The following KIAA1549 variants were observed in gnomAD, a reference collection of about 807,000 sequenced individuals.
The protein encoded by KIAA1549 is KIAA1549.
Under a neutral mutation model 156.4 loss-of-function variants are expected in KIAA1549, and 70 were observed. That is an observed-to-expected ratio of 0.45 (90% CI 0.37 to 0.55). The LOEUF (loss-of-function observed/expected upper bound fraction) is 0.55, where lower values mean the gene tolerates loss of function less well. Ranked by LOEUF, KIAA1549 falls within the 20% of genes least tolerant of loss-of-function variation. The pLI, the probability that KIAA1549 is intolerant of heterozygous loss-of-function variation, is 0.00. For missense variants in KIAA1549, 2,428 were observed against 2,540.9 expected, an observed-to-expected ratio of 0.96 and a Z score of 0.96; for synonymous variants, 1,103 against 1,066.4, an observed-to-expected ratio of 1.03 and a Z score of -0.67.
chr7:138,925,129 C>T (rs1812676482), intron 1 of KIAA1549, among the ~76,000 whole-genome samples: 1 of 152,186 alleles, frequency 6.6e-6, no homozygotes, highest in African/African-American at 2.4e-5. Context: ...CGGGAAACTG[C>T]CCTGCGCTCC....
chr7:138,893,432 T>C (rs891842594), intron 10 of KIAA1549, among the ~76,000 whole-genome samples: 3 of 152,298 alleles, frequency 2.0e-5, no homozygotes, highest in African/African-American at 7.2e-5. Context: ...AGCTTTGCTC[T>C]TCTCTAAAGA....
intron 19 of KIAA1549, among the ~76,000 whole-genome samples, chr7:138,839,143 G>A (rs1809833702): frequency 6.6e-6 from 1 of 152,182 alleles, no homozygotes; most frequent in Admixed American, 6.5e-5. Context: ...TCTCTTTTAG[G>A]GAAGCACCTT....
At position 138,837,426 on chromosome 7, in the gene KIAA1549, A is replaced by G. The variant is rs948319895; in HGVS notation, c.*480T>C. On this transcript the variant is annotated 3_prime_UTR_variant, in exon 20 of 20. Coordinates refer to ENST00000422774, the MANE Select transcript of KIAA1549 (RefSeq NM_001164665.2). ...TCTTGTTGTTAATGTTACTATTAAAATAAGTTCCTATGGAGTAAAAGAGAA... is the reference window on the plus strand; with the variant it reads ...TCTTGTTGTTAATGTTACTATTAAAGTAAGTTCCTATGGAGTAAAAGAGAA... The G allele has an allele frequency of 1.7e-5, 4 of 238,518 alleles. No individual in the cohort carries two copies. Among genetic ancestry groups the G allele is most frequent in the African/African-American group, 6.6e-5 (3 of 45,440 alleles). The allele number at this position is 238,518 out of a possible 1,614,324, so 14.8% of individuals were successfully genotyped here. A position where few individuals can be genotyped will look rare whatever the true frequency, so the allele number is the denominator to read the frequency against.
chr7:138,882,034 A>G (rs546053524), intron 10 of KIAA1549, among the ~76,000 whole-genome samples: 28 of 152,370 alleles, frequency 1.8e-4, no homozygotes, highest in Admixed American at 1.5e-3. Flanking sequence ...GATGGGTCAG[A>G]GCATAGGAGC....
intron 1 of KIAA1549, among the ~76,000 whole-genome samples, chr7:138,946,358 C>T (rs1485132927): frequency 1.3e-5 from 2 of 152,164 alleles, no homozygotes; most frequent in African/African-American, 4.8e-5. Flanking sequence ...AGATAAGAAA[C>T]ACAGGGCATC....
chr7:138,976,826 T>C (rs1461451250), intron 1 of KIAA1549, among the ~76,000 whole-genome samples: 1 of 152,216 alleles, frequency 6.6e-6, no homozygotes, highest in Non-Finnish European at 1.5e-5. Flanking sequence ...AGCTGTCAAC[T>C]TGTTAAAATG....
intron 1 of KIAA1549, among the ~76,000 whole-genome samples, chr7:138,941,128 AAAT>A (rs1457811427): frequency 1.3e-5 from 2 of 152,332 alleles, no homozygotes; most frequent in South Asian, 2.1e-4. Context: ...CAAATTATAG[AAAT>A]AATAATAATT....
rs551568744 is a variant in KIAA1549 at position 138,838,179 on chromosome 7, G to A, written c.5599-19C>T. 21 of 1,452,552 alleles carry A rather than the reference G, an allele frequency of 1.4e-5. No individual in the cohort carries two copies. In the African/African-American group the frequency reaches 1.9e-4, roughly 13 times the overall value. The allele number at this position is 1,452,552 out of a possible 1,614,324, so 90.0% of individuals were successfully genotyped here. A position where few individuals can be genotyped will look rare whatever the true frequency, so the allele number is the denominator to read the frequency against. ...TGTGTGTCTGAAAAACATGGCAAAC[G>A]TCACTGTACTTCCTACGAAGAATAA... On this transcript the variant is annotated intron_variant, in intron 19 of 19. Coordinates refer to ENST00000422774, the MANE Select transcript of KIAA1549 (RefSeq NM_001164665.2).
chr7:138,884,814 C>A (rs1811344808), intron 10 of KIAA1549, among the ~76,000 whole-genome samples: 1 of 152,236 alleles, frequency 6.6e-6, no homozygotes, highest in African/African-American at 2.4e-5. Flanking sequence ...GACTTGTAAG[C>A]CCCTCAGTTC....
intron 16 of KIAA1549, among the ~76,000 whole-genome samples, chr7:138,854,452 C>T (rs1020515872): frequency 1.5e-4 from 23 of 151,898 alleles, no homozygotes; most frequent in African/African-American, 3.4e-4. Context: ...CTCCTACCCT[C>T]GCAAAAAAGG....
chr7:138,874,702 G>A (rs1026432494), intron 12 of KIAA1549, among the ~76,000 whole-genome samples: 1 of 152,122 alleles, frequency 6.6e-6, no homozygotes, highest in Admixed American at 6.6e-5. Context: ...CTGGTTAACA[G>A]ATACAAAAGC....
chr7:138,969,577 A>G (rs1814153702), intron 1 of KIAA1549, among the ~76,000 whole-genome samples: 1 of 151,878 alleles, frequency 6.6e-6, no homozygotes, highest in Non-Finnish European at 1.5e-5. Flanking sequence ...TATGGGTTAT[A>G]TGAGTTTTGT....
chr7:138,840,335 G>A, intron 18 of KIAA1549, 57 bp from the exon 19 acceptor site: 2 of 1,502,018 alleles, frequency 1.3e-6, no homozygotes, highest in Non-Finnish European at 1.8e-6. Context: ...TATGGCTGCT[G>A]AGGATGGCTG....
intron 15 of KIAA1549, among the ~76,000 whole-genome samples, chr7:138,867,496 A>C (rs1810781567): frequency 6.6e-6 from 1 of 151,940 alleles, no homozygotes; most frequent in African/African-American, 2.4e-5. Flanking sequence ...CTGAGGCTAC[A>C]GTGAGCCTGG....
intron 14 of KIAA1549, among the ~76,000 whole-genome samples, chr7:138,868,415 T>C (rs1810817951): frequency 2.0e-5 from 3 of 152,104 alleles, no homozygotes; most frequent in Admixed American, 2.0e-4. Flanking sequence ...GGGCTAGAAC[T>C]AGGTCTTTTT....
rs1584758445 is a variant in KIAA1549, at chr7:138,921,062, G to A, written c.188-1624C>T. ...AGGCAGGTACTGGACCAGCTGGCCT[G>A]TTGTTTAGGCCACAACGGAGATGAG... is the stretch of plus-strand genomic sequence containing the variant. On this transcript the variant is annotated intron_variant, in intron 1 of 19. Transcript: ENST00000422774. Among the ~76,000 whole-genome samples the A allele has an allele frequency of 2.0e-5, 3 of 152,326 alleles. No homozygotes were observed. The East Asian group carries it at 5.8e-4, about 29-fold the overall frequency.
intron 12 of KIAA1549, among the ~76,000 whole-genome samples, chr7:138,878,335 C>T (rs539895388): frequency 2.4e-4 from 36 of 152,200 alleles, no homozygotes; most frequent in Non-Finnish European, 4.6e-4. Flanking sequence ...AGGCCACAAG[C>T]GTGTCAGTGA....
At chr7:138,845,948 A>G (rs1302525440) in intron 17 of KIAA1549, among the ~76,000 whole-genome samples, 1 of 152,178 alleles carries the variant, frequency 6.6e-6, no homozygotes, top group Non-Finnish European at 1.5e-5. Flanking sequence ...AAAAAGCACA[A>G]AAGCAGTTGG....
In KIAA1549 at chr7:138,881,588, A is replaced by G. The variant is rs769285676; in HGVS notation, c.4033-4T>C. On this transcript the variant is annotated splice_region_variant and splice_polypyrimidine_tract_variant and intron_variant, in intron 10 of 19. Coordinates refer to ENST00000422774, the MANE Select transcript of KIAA1549 (RefSeq NM_001164665.2). ...CCTTCACACTAGGGATCTGCAGCTG[A>G]AACATACACACACACAAACAAGATT... 31 of 1,609,668 alleles carry G rather than the reference A, an allele frequency of 1.9e-5. No individual in the cohort carries two copies. In the South Asian group the frequency reaches 3.4e-4, roughly 18 times the overall value.
Sources: gnomAD v4.1 joint callset for allele counts (sites outside exome capture counted in the v4.1 genomes callset) on GRCh38, gnomAD v4.1.1 for gene constraint, MANE v1.5 for transcripts, NCBI Gene and HGNC (gene_info 2026-07-23, HGNC 2026-07-21) for gene names.